RPAP3: variants seen among roughly 807,000 people sequenced by gnomAD.
RPAP3 encodes RNA polymerase II-associated protein 3.
In RPAP3, 58 loss-of-function variants were observed where a neutral mutation model predicts 88.8. The observed-to-expected ratio is 0.65, with a 90% CI of 0.53 to 0.81. The LOEUF (loss-of-function observed/expected upper bound fraction) is 0.81. RPAP3 is among the 40% of genes least tolerant of loss of function. The probability of loss-of-function intolerance (pLI) is 0.00; values close to 1 mark genes in which losing one functional copy is unlikely to be tolerated. For missense variants in RPAP3, 751 were observed against 764.3 expected, an observed-to-expected ratio of 0.98 and a Z score of 0.20; for synonymous variants, 255 against 259.9, an observed-to-expected ratio of 0.98 and a Z score of 0.18.
At chr12:47,676,624 C>T (rs887057575) in intron 12 of RPAP3, among the ~76,000 whole-genome samples, 4 of 152,108 alleles carry the variant, frequency 2.6e-5, no homozygotes, top group African/African-American at 4.8e-5. Flanking sequence ...AACACCTCTA[C>T]GCAAATAAAC....
At chr12:47,699,021 CCTACCAACATTG>C (rs1429053209) in intron 3 of RPAP3, among the ~76,000 whole-genome samples, 1 of 152,168 alleles carries the variant, frequency 6.6e-6, no homozygotes, top group Non-Finnish European at 1.5e-5. Flanking sequence ...ATACCACCAG[CCTACCAACATTG>C]CTGCCAGGAT....
intron 5 of RPAP3, among the ~76,000 whole-genome samples, chr12:47,691,604 G>A (rs750153703): frequency 4.6e-5 from 7 of 152,176 alleles, no homozygotes; most frequent in African/African-American, 1.2e-4. Context: ...AATTGAAATT[G>A]AAAATGACTC....
At chr12:47,689,450 T>G (rs2136632640) in intron 6 of RPAP3, among the ~76,000 whole-genome samples, 1 of 152,266 alleles carries the variant, frequency 6.6e-6, no homozygotes, top group Middle Eastern at 3.4e-3. Context: ...AGTGATTCTG[T>G]ACCTCAGCCT....
At chr12:47,678,877 G>A (rs1214773838) in intron 12 of RPAP3, among the ~76,000 whole-genome samples, 1 of 152,188 alleles carries the variant, frequency 6.6e-6, no homozygotes, top group Non-Finnish European at 1.5e-5. Flanking sequence ...ATTACCATTT[G>A]ACCCAGCAAT....
intron 14 of RPAP3, 74 bp downstream of exon 14, chr12:47,668,842 C>T: frequency 1.8e-6 from 2 of 1,127,912 alleles, no homozygotes; most frequent in Non-Finnish European, 2.6e-6. Flanking sequence ...GCAAATACGG[C>T]ACCATTATTA....
At chr12:47,693,388 C>T (rs1565721583) in intron 5 of RPAP3, among the ~76,000 whole-genome samples, 1 of 152,160 alleles carries the variant, frequency 6.6e-6, no homozygotes. Flanking sequence ...ATCACCATAA[C>T]AGATACAATT....
chr12:47,701,393 C>T (rs1374055880), intron 3 of RPAP3, 71 bp downstream of exon 3: 2 of 1,127,184 alleles, frequency 1.8e-6, no homozygotes, highest in Admixed American at 2.6e-5. Context: ...TTTCACTTAA[C>T]CCATGATTAT....
Position 47,667,744 on chromosome 12 carries a change from C to G in RPAP3, c.1811+10G>C. The G allele has an allele frequency of 6.5e-7, 1 of 1,527,388 alleles. No homozygotes were observed. Among genetic ancestry groups the G allele is most frequent in the Non-Finnish European group, 8.9e-7 (1 of 1,118,088 alleles). The allele number at this position is 1,527,388 out of a possible 1,614,324, so 94.6% of individuals were successfully genotyped here. ...GGACTTACTGTATAACTAAAAAAAA[C>G]TTGACTTACTCAATGTAAAAGTCAT... On this transcript the variant is annotated intron_variant, in intron 15 of 16. Coordinates refer to ENST00000005386, the MANE Select transcript of RPAP3 (RefSeq NM_024604.3).
chr12:47,679,811 A>G, intron 10 of RPAP3, 37 bp from the exon 11 acceptor site: 1 of 1,396,348 alleles, frequency 7.2e-7, no homozygotes, highest in Non-Finnish European at 1.0e-6. Context: ...CAACATAGTT[A>G]AAATGTGGAG....
At chr12:47,702,121 T>C (rs930181334) in intron 2 of RPAP3, among the ~76,000 whole-genome samples, 1 of 152,248 alleles carries the variant, frequency 6.6e-6, no homozygotes, top group Non-Finnish European at 1.5e-5. Context: ...ACATATTTTA[T>C]GATGCTAGTC....
chr12:47,672,729 A>C (rs1482799721), intron 12 of RPAP3, among the ~76,000 whole-genome samples: 2 of 152,144 alleles, frequency 1.3e-5, no homozygotes, highest in African/African-American at 4.8e-5. Flanking sequence ...TTTACAGAAC[A>C]GTTTACCCCA....
intron 3 of RPAP3, among the ~76,000 whole-genome samples, chr12:47,700,821 C>T (rs1207438049): frequency 2.0e-5 from 3 of 152,346 alleles, no homozygotes; most frequent in Non-Finnish European, 4.4e-5. Flanking sequence ...AGTCCTAAGA[C>T]TAGACACAAA....
chr12:47,689,783 T>C (rs1322180832), intron 6 of RPAP3, among the ~76,000 whole-genome samples: 1 of 152,158 alleles, frequency 6.6e-6, no homozygotes, highest in East Asian at 1.9e-4. Context: ...GGCTCACTCC[T>C]GTAATCCCAG....
At position 47,668,959 on chromosome 12, in the gene RPAP3, C is replaced by G. The variant is rs1032441799; in HGVS notation, c.1670G>C (p.Arg557Thr). 6.2e-7 allele frequency: 1 copy of G among 1,614,018 alleles called. No homozygotes were observed. Among genetic ancestry groups the G allele is most frequent in the Middle Eastern group, 1.6e-4 (1 of 6,062 alleles). ...CATATCTGGAGAACTTTTCAATTGT[C>G]TGAAATCAGATTCGAGCTGGAACGA... ...ANSFQLESDF[R>T]QLKSSPDMLY... is the part of the protein sequence containing the mutation. Residue 557 changes from arginine to threonine, a missense_variant, in exon 14 of 17, where the codon AGA (arginine) becomes ACA (threonine). Physicochemically the swap from Arg to Thr is moderately conservative, Grantham distance 71. Coordinates refer to ENST00000005386, the MANE Select transcript of RPAP3 (RefSeq NM_024604.3).
In RPAP3 at chr12:47,686,786, A is replaced by T; in HGVS notation, c.986T>A (p.Ile329Asn). 1 of 1,574,312 alleles carries T rather than the reference A, an allele frequency of 6.4e-7. No homozygotes were observed. Among genetic ancestry groups the T allele is most frequent in the Non-Finnish European group, 8.6e-7 (1 of 1,163,380 alleles). The change falls in exon 9 of 17, where the codon ATT (isoleucine) becomes AAT (asparagine). Residue 329 changes from isoleucine (I) to asparagine (N), a missense_variant. Coordinates refer to ENST00000005386, the MANE Select transcript of RPAP3 (RefSeq NM_024604.3). ...AAATGTAACCAATACTTACTTCTGA[A>T]TCTTCAGATAGGCCATAGCTCTGTT... ...PANRAMAYLKIQKYEEAEKDC... is the reference protein window; with the variant it reads ...PANRAMAYLKNQKYEEAEKDC...
At position 47,706,011 on chromosome 12, in the gene RPAP3, A is replaced by C. The variant is rs1417506008; in HGVS notation, c.-66T>G. ...GTCAGCCCCGCAGCGACTCACGCCG[A>C]GCCCGGCAGTGACTCACGCAAAGCC... is the stretch of plus-strand genomic sequence containing the variant. On this transcript the variant is annotated 5_prime_UTR_variant, in exon 1 of 17. Coordinates refer to ENST00000005386, the MANE Select transcript of RPAP3 (RefSeq NM_024604.3). The C allele has an allele frequency of 1.3e-5, 2 of 152,696 alleles. No homozygotes were observed. The highest frequency in any genetic ancestry group is 4.8e-5 in the African/African-American group (2 of 41,434). 9.5% of individuals were successfully genotyped at this position (152,696 alleles called of 1,614,324 possible).
intron 12 of RPAP3, among the ~76,000 whole-genome samples, chr12:47,674,177 G>A (rs1846076803): frequency 6.6e-6 from 1 of 150,950 alleles, no homozygotes; most frequent in Admixed American, 6.6e-5. Context: ...AATAGGCACA[G>A]CTCCAATCTG....
chr12:47,681,812 T>C lies in RPAP3; in HGVS notation c.998A>G (p.Glu333Gly). Residue 333 changes from glutamate to glycine, a missense_variant, in exon 10 of 17, where the codon GAA becomes GGA. By Grantham distance (98) the Glu-to-Gly change is moderately conservative. Transcript: ENST00000005386. Reference protein sequence around the residue: ...AMAYLKIQKYEEAEKDCTQAI... With the variant: ...AMAYLKIQKYGEAEKDCTQAI... ...TTGTGTGCAGTCTTTTTCAGCTTCTTCATATCTATTGAACATGATAAAATT... is the reference window on the plus strand; with the variant it reads ...TTGTGTGCAGTCTTTTTCAGCTTCTCCATATCTATTGAACATGATAAAATT... 6.2e-7 allele frequency: 1 copy of C among 1,602,104 alleles called. No individual in the cohort carries two copies. The highest frequency in any genetic ancestry group is 1.3e-5 in the African/African-American group (1 of 74,436).
intron 1 of RPAP3, 113 bp from the exon 2 acceptor site, chr12:47,702,959 A>C (rs1939686300): frequency 1.7e-6 from 1 of 590,100 alleles, no homozygotes; most frequent in Non-Finnish European, 2.7e-6. Context: ...ATACATGGAC[A>C]GAAGACAGCC....
Sources: allele counts gnomAD v4.1 joint callset (sites outside exome capture counted in the v4.1 genomes callset), GRCh38; gene constraint gnomAD v4.1.1; transcripts MANE v1.5; gene names NCBI Gene and HGNC (gene_info 2026-07-23, HGNC 2026-07-21).